GRIK2: variants seen among roughly 807,000 people sequenced by gnomAD.
GRIK2 encodes the protein glutamate receptor ionotropic, kainate 2.
A neutral mutation model predicts 100.3 loss-of-function variants in GRIK2; 32 were observed. The ratio of observed to expected loss-of-function variants is 0.32; its 90% CI spans 0.24 to 0.43. The LOEUF (loss-of-function observed/expected upper bound fraction) is 0.43, where lower values mean the gene tolerates loss of function less well. Ranked by LOEUF, GRIK2 falls within the 20% of genes least tolerant of loss-of-function variation. The pLI is 1.00. For missense variants in GRIK2, 843 were observed against 1,114.9 expected (o/e 0.76, Z 3.47); for synonymous variants, 417 against 389.4 (o/e 1.07, Z -0.83).
intron 2 of GRIK2, among the ~76,000 whole-genome samples, chr6:101,506,359 C>T (rs1196098050): frequency 6.6e-6 from 1 of 152,030 alleles, no homozygotes; most frequent in Non-Finnish European, 1.5e-5. Context: ...CTCCTCATTG[C>T]CTTAATCCTT....
chr6:101,804,007 A>T (rs1780830418), intron 9 of GRIK2, among the ~76,000 whole-genome samples: 1 of 151,896 alleles, frequency 6.6e-6, no homozygotes, highest in Non-Finnish European at 1.5e-5. Flanking sequence ...TTCAGTCCTT[A>T]TCCTCAAGGG....
intron 7 of GRIK2, among the ~76,000 whole-genome samples, chr6:101,753,519 T>G (rs1776934256): frequency 6.6e-6 from 1 of 152,098 alleles, no homozygotes; most frequent in Non-Finnish European, 1.5e-5. Context: ...AGATACGTAA[T>G]TATGAATACA....
At chr6:101,560,593 A>G (rs780792985) in intron 2 of GRIK2, among the ~76,000 whole-genome samples, 6 of 152,120 alleles carry the variant, frequency 3.9e-5, no homozygotes, top group Admixed American at 6.5e-5. Flanking sequence ...ATTGATAATT[A>G]AACAACAATA....
intron 2 of GRIK2, among the ~76,000 whole-genome samples, chr6:101,411,809 C>T (rs539513765): frequency 1.3e-5 from 2 of 152,128 alleles, no homozygotes; most frequent in African/African-American, 4.8e-5. Context: ...ACAACCAACC[C>T]CATAGCCCAA....
intron 4 of GRIK2, among the ~76,000 whole-genome samples, chr6:101,638,266 T>C (rs1419236541): frequency 2.7e-5 from 4 of 150,812 alleles, no homozygotes; most frequent in African/African-American, 9.8e-5. Flanking sequence ...CGGAGATATA[T>C]AAGTAAACAA....
intron 10 of GRIK2, among the ~76,000 whole-genome samples, chr6:101,829,305 G>T (rs1009573414): frequency 2.9e-4 from 44 of 151,934 alleles, no homozygotes; most frequent in African/African-American, 1.1e-3. Flanking sequence ...CTGGGGAAAG[G>T]TTGGAAGCAT....
chr6:101,988,089 T>TAG (rs1794118610), intron 14 of GRIK2, among the ~76,000 whole-genome samples: 5 of 119,244 alleles, frequency 4.2e-5, no homozygotes, highest in African/African-American at 1.7e-4. Flanking sequence ...GCCAGTATTA[T>TAG]AGTGTGTGTG....
At chr6:102,045,071 T>C (rs888771153) in intron 15 of GRIK2, among the ~76,000 whole-genome samples, 2 of 152,060 alleles carry the variant, frequency 1.3e-5, no homozygotes, top group Non-Finnish European at 2.9e-5. Flanking sequence ...TTTTTACCCA[T>C]ACTGTCTCAC....
At chr6:101,787,754 G>A (rs541430150) in intron 7 of GRIK2, among the ~76,000 whole-genome samples, 1 of 152,214 alleles carries the variant, frequency 6.6e-6, no homozygotes, top group East Asian at 1.9e-4. Context: ...TTTGTGTGCT[G>A]ATGAGAAGAA....
chr6:101,719,420 C>T (rs908570781), intron 7 of GRIK2, among the ~76,000 whole-genome samples: 1 of 151,750 alleles, frequency 6.6e-6, no homozygotes, highest in African/African-American at 2.4e-5. Flanking sequence ...GATTTTATGT[C>T]ATTTACTTAT....
At chr6:101,790,713 G>T (rs199884672) in intron 7 of GRIK2, among the ~76,000 whole-genome samples, 4,083 of 146,510 alleles carry the variant, frequency 0.028, 129 homozygotes, top group African/African-American at 0.079. Flanking sequence ...AGGATGATGC[G>T]GGCCTCATAA....
In GRIK2 at chr6:101,491,422, G is replaced by A. The variant is rs9498597; in HGVS notation, c.115+92030G>A. Among the ~76,000 whole-genome samples, 792 of 151,996 alleles carry A rather than the reference G, an allele frequency of 5.2e-3. 7 individuals carry two copies. The highest frequency in any genetic ancestry group is 0.018 in the African/African-American group (757 of 41,500). ...TGGATTGAGCCCTAGAAATTTGGCC[G>A]AAGCAAACACAAACCTTCACTGGAA... On this transcript the variant is annotated intron_variant, in intron 2 of 16. Coordinates refer to ENST00000369134, the MANE Select transcript of GRIK2 (RefSeq NM_021956.5).
At chr6:101,993,443 G>T (rs1489635332) in intron 14 of GRIK2, 2 of 151,140 alleles carry the variant, frequency 1.3e-5, no homozygotes, top group Non-Finnish European at 1.5e-5. Flanking sequence ...TCATTTTATT[G>T]AAAGTTGACA....
chr6:101,992,184 C>G (rs1055050488), intron 14 of GRIK2, among the ~76,000 whole-genome samples: 6 of 151,436 alleles, frequency 4.0e-5, no homozygotes, highest in Admixed American at 2.6e-4. Context: ...TTGCAGAAAT[C>G]ATCTGTAAAC....
chr6:101,503,648 T>C (rs1773881545), intron 2 of GRIK2, among the ~76,000 whole-genome samples: 1 of 152,176 alleles, frequency 6.6e-6, no homozygotes, highest in Non-Finnish European at 1.5e-5. Flanking sequence ...ACTTTGTAAA[T>C]TTTGCAGTTT....
intron 9 of GRIK2, among the ~76,000 whole-genome samples, chr6:101,805,382 T>C (rs1780934962): frequency 6.6e-6 from 1 of 151,744 alleles, no homozygotes; most frequent in Non-Finnish European, 1.5e-5. Context: ...TACTATGGCC[T>C]CTAAAAGAAC....
At chr6:101,768,706 G>C (rs1213851036) in intron 7 of GRIK2, among the ~76,000 whole-genome samples, 2 of 152,040 alleles carry the variant, frequency 1.3e-5, no homozygotes, top group Non-Finnish European at 2.9e-5. Flanking sequence ...TAAACCTCAT[G>C]GTTTAGATAG....
At chr6:101,948,315 T>C (rs76762565) in intron 14 of GRIK2, among the ~76,000 whole-genome samples, 1 of 144,728 alleles carries the variant, frequency 6.9e-6, no homozygotes, top group East Asian at 2.0e-4. Context: ...TAGAACTGTC[T>C]TTTTTTTTTT....
At chr6:101,547,938 A>G (rs996506039) in intron 2 of GRIK2, among the ~76,000 whole-genome samples, 5 of 152,172 alleles carry the variant, frequency 3.3e-5, no homozygotes, top group African/African-American at 1.2e-4. Flanking sequence ...TCCCACCAAC[A>G]GTGTAAAAGT....
Sources: gnomAD v4.1 joint callset for allele counts (sites outside exome capture counted in the v4.1 genomes callset) on GRCh38, gnomAD v4.1.1 for gene constraint, MANE v1.5 for transcripts, NCBI Gene and HGNC (gene_info 2026-07-23, HGNC 2026-07-21) for gene names.